LRRC28: variants seen among roughly 807,000 people sequenced by gnomAD.
The protein encoded by LRRC28 is leucine-rich repeat-containing protein 28.
Under a neutral mutation model 45.7 loss-of-function variants are expected in LRRC28, and 39 were observed. The ratio of observed to expected loss-of-function variants is 0.85; its 90% confidence interval spans 0.66 to 1.12. The LOEUF is 1.12. LRRC28 is among the 50% of genes most tolerant of loss of function. The probability of loss-of-function intolerance (pLI) is 0.00; values close to 1 mark genes in which losing one functional copy is unlikely to be tolerated. For synonymous variants in LRRC28, 206 were observed against 178.8 expected (o/e 1.15, Z -1.22); for missense variants, 435 against 438.5 (o/e 0.99, Z 0.07).
intron 9 of LRRC28, among the ~76,000 whole-genome samples, chr15:99,383,649 A>T (rs1957897104): frequency 6.6e-6 from 1 of 152,170 alleles, no homozygotes; most frequent in South Asian, 2.1e-4. Context: ...CTCACCTCTG[A>T]TAATCGTATA....
rs1381453064 is a variant in LRRC28 at position 99,276,582 on chromosome 15, A to G, written c.175A>G (p.Asn59Asp). 6.5e-7 allele frequency: 1 copy of G among 1,532,682 alleles called. No individual in the cohort carries two copies. The highest frequency in any genetic ancestry group is 1.4e-5 in the South Asian group (1 of 73,942). 94.9% of individuals were successfully genotyped at this position (1,532,682 alleles called of 1,614,324 possible). The change falls in exon 3 of 10, where the codon AAC (asparagine) becomes GAC (aspartate). Residue 59 changes from asparagine (N) to aspartate (D), a missense_variant. Transcript: ENST00000301981. Reference protein sequence around the residue: ...KRNSLTSLPENLAQKLPNLVE... With the variant: ...KRNSLTSLPEDLAQKLPNLVE... ...CTGAGTTTTTAATTTTCAGCCAGAA[A>G]ACCTTGCTCAGAAGCTTCCAAACCT... is the stretch of plus-strand genomic sequence containing the variant.
intron 6 of LRRC28, among the ~76,000 whole-genome samples, chr15:99,343,490 G>T (rs1448391795): frequency 6.6e-6 from 1 of 152,102 alleles, no homozygotes; most frequent in Non-Finnish European, 1.5e-5. Flanking sequence ...CCTAGATTTT[G>T]CTAATTTCTA....
intron 2 of LRRC28, chr15:99,259,621 G>A (rs974685807): frequency 2.7e-5 from 41 of 1,495,324 alleles, no homozygotes; most frequent in East Asian, 1.6e-4. Context: ...CGTACCAAAC[G>A]GGCAAGGGCA....
rs186215501 is a variant in LRRC28, at chr15:99,273,330, G to A, written c.169-3246G>A. On this transcript the variant is annotated intron_variant, in intron 2 of 9. Coordinates refer to ENST00000301981, the MANE Select transcript of LRRC28 (RefSeq NM_144598.5). Reference sequence around the variant, plus strand: ...TGGCTCACTGCAAGCTCTGCCTCCCGGGTTCAGGCCATTTTCCTGCCTCAG... The same window carrying A: ...TGGCTCACTGCAAGCTCTGCCTCCCAGGTTCAGGCCATTTTCCTGCCTCAG... Among the ~76,000 whole-genome samples, 3 of 152,076 alleles carry A rather than the reference G, an allele frequency of 2.0e-5. No homozygotes were observed. The East Asian group carries it at 5.8e-4, about 29-fold the overall frequency.
chr15:99,389,027 A>G lies in LRRC28; in HGVS notation c.*2925A>G, dbSNP rs1202842588. On this transcript the variant is annotated 3_prime_UTR_variant, in exon 10 of 10. Coordinates refer to ENST00000301981, the MANE Select transcript of LRRC28 (RefSeq NM_144598.5). ...TCTTCAGTTAATACATGTTTTGAGC[A>G]CATTCTTAAAATACATAATAATTAA... 1 of 152,222 alleles carries G rather than the reference A, an allele frequency of 6.6e-6. No individual in the cohort carries two copies. Among genetic ancestry groups the G allele is most frequent in the Non-Finnish European group, 1.5e-5 (1 of 68,034 alleles). The allele number at this position is 152,222 out of a possible 1,614,324, so 9.4% of individuals were successfully genotyped here.
intron 2 of LRRC28, 57 bp downstream of exon 2, chr15:99,256,182 A>G (rs1463866933): frequency 2.2e-6 from 3 of 1,390,784 alleles, no homozygotes; most frequent in Non-Finnish European, 9.8e-7. Flanking sequence ...CCTGATCAAG[A>G]TACATTTACA....
Position 99,387,119 on chromosome 15 carries a change from G to GGT in LRRC28, c.*1018_*1019insTG, listed in dbSNP as rs1783764950. The GGT allele has an allele frequency of 6.6e-6, 1 of 151,228 alleles. No homozygotes were observed. 9.4% of individuals were successfully genotyped at this position (151,228 alleles called of 1,614,324 possible). A position where few individuals can be genotyped will look rare whatever the true frequency, so the allele number is the denominator to read the frequency against. ...TCTGTCGCCCAGGCTGGAGTGCAGT[G>GGT]GCGGGATCTCGGCTCACTGCAAGCT... On this transcript the variant is annotated 3_prime_UTR_variant, in exon 10 of 10. Transcript: ENST00000301981.
chr15:99,326,035 T>G (rs1013835826), intron 5 of LRRC28, among the ~76,000 whole-genome samples: 1 of 152,042 alleles, frequency 6.6e-6, no homozygotes, highest in Non-Finnish European at 1.5e-5. Context: ...ACAGTAGAGG[T>G]CTCGGAGAGG....
chr15:99,361,595 TA>T (rs998162378), intron 8 of LRRC28, 84 bp downstream of exon 8: 2,358 of 1,171,616 alleles, frequency 2.0e-3, no homozygotes, highest in South Asian at 3.3e-3. Flanking sequence ...CGTTCATCTT[TA>T]AAAAAAAAAT....
In LRRC28 at chr15:99,309,590, G is replaced by A. The variant is rs560709857; in HGVS notation, c.385+21639G>A. Among the ~76,000 whole-genome samples, 5 of 152,184 alleles carry A rather than the reference G, an allele frequency of 3.3e-5. No homozygotes were observed. In the East Asian group the frequency reaches 9.7e-4, roughly 29 times the overall value. ...CGCCTGGCTAATTTTTGTATTTTTA[G>A]TAGAGACGCGGTTTCATCATGTTGG... On this transcript the variant is annotated intron_variant, in intron 5 of 9. Transcript: ENST00000301981.
chr15:99,339,555 AC>A (rs34755931), intron 6 of LRRC28, among the ~76,000 whole-genome samples: 15 of 152,036 alleles, frequency 9.9e-5, no homozygotes, highest in Admixed American at 9.2e-4. Context: ...AGATGGTGAA[AC>A]CCCGTCTCTA....
rs748939393 is a variant in LRRC28, at chr15:99,256,033, A to T, written c.76A>T (p.Asn26Tyr). The change falls in exon 2 of 10, where the codon AAT becomes TAT. Residue 26 changes from asparagine to tyrosine, a missense_variant. Asn to Tyr is a moderately radical substitution (Grantham distance 143). Coordinates refer to ENST00000301981, the MANE Select transcript of LRRC28 (RefSeq NM_144598.5). Reference protein sequence around the residue: ...KHKNLFLNYRNLHHFPLELLK... With the variant: ...KHKNLFLNYRYLHHFPLELLK... Reference sequence around the variant, plus strand: ...CAAGAATTTGTTCTTAAATTATAGGAATCTGCACCATTTTCCATTGGAGTT... The same window carrying T: ...CAAGAATTTGTTCTTAAATTATAGGTATCTGCACCATTTTCCATTGGAGTT... 4 of 1,613,770 alleles carry T rather than the reference A, an allele frequency of 2.5e-6. No individual in the cohort carries two copies. Among genetic ancestry groups the T allele is most frequent in the Non-Finnish European group, 3.4e-6 (4 of 1,180,006 alleles).
At chr15:99,299,421 A>G (rs571761348) in intron 5 of LRRC28, among the ~76,000 whole-genome samples, 31 of 152,324 alleles carry the variant, frequency 2.0e-4, no homozygotes, top group African/African-American at 6.7e-4. Context: ...GTAGATTGAT[A>G]TAATATAGAT....
At chr15:99,288,063 C>A in intron 5 of LRRC28, 112 bp downstream of exon 5, 2 of 1,112,120 alleles carry the variant, frequency 1.8e-6, no homozygotes, top group Non-Finnish European at 2.4e-6. Context: ...AGTATTTGTC[C>A]ATTTGTTTGA....
intron 5 of LRRC28, among the ~76,000 whole-genome samples, chr15:99,308,875 A>G (rs1955293393): frequency 6.6e-6 from 1 of 152,236 alleles, no homozygotes; most frequent in Non-Finnish European, 1.5e-5. Flanking sequence ...TGGGTTGGCC[A>G]GGGCTGCAGT....
At chr15:99,290,372 A>G (rs528561194) in intron 5 of LRRC28, among the ~76,000 whole-genome samples, 96 of 152,292 alleles carry the variant, frequency 6.3e-4, no homozygotes, top group African/African-American at 2.3e-3. Context: ...TATAGTTAAT[A>G]TAAAAATTTT....
chr15:99,370,765 G>T (rs568484130), intron 9 of LRRC28, among the ~76,000 whole-genome samples: 35 of 152,206 alleles, frequency 2.3e-4, no homozygotes, highest in Non-Finnish European at 4.6e-4. Flanking sequence ...AATTATAGGT[G>T]TGAATATATG....
intron 2 of LRRC28, among the ~76,000 whole-genome samples, chr15:99,269,283 A>G (rs2081410731): frequency 6.6e-6 from 1 of 152,248 alleles, no homozygotes; most frequent in South Asian, 2.1e-4. Context: ...AATCTAAAAC[A>G]TTTATCATTC....
chr15:99,266,726 G>A (rs369174038), intron 2 of LRRC28, among the ~76,000 whole-genome samples: 27 of 152,238 alleles, frequency 1.8e-4, no homozygotes, highest in African/African-American at 5.3e-4. Flanking sequence ...TTAAAACCTC[G>A]ATATTCATCA....
Sources: gnomAD v4.1 joint callset for allele counts (sites outside exome capture counted in the v4.1 genomes callset) on GRCh38, gnomAD v4.1.1 for gene constraint, MANE v1.5 for transcripts, NCBI Gene and HGNC (gene_info 2026-07-23, HGNC 2026-07-21) for gene names.